The following NAV2 variants were observed in gnomAD, a reference collection of about 807,000 sequenced individuals.
The protein encoded by NAV2 is helicase, APC down-regulated 1.
NAV2 carries 54 observed loss-of-function variants against 223.2 expected under a neutral mutation model. The observed-to-expected ratio is 0.24, with a 90% CI of 0.19 to 0.30. The LOEUF (loss-of-function observed/expected upper bound fraction) is 0.30. Ranked by LOEUF, NAV2 falls within the 10% of genes least tolerant of loss-of-function variation. NAV2 has a pLI of 1.00. For missense variants in NAV2, 2,806 were observed against 3,147.5 expected, an observed-to-expected ratio of 0.89 and a Z score of 2.60; for synonymous variants, 1,279 against 1,239.3, an observed-to-expected ratio of 1.03 and a Z score of -0.67.
At position 19,397,418 on chromosome 11, in the gene NAV2, T is replaced by TGTGCGTGTGTGTGTGTGTGTGC. The variant is rs57566081; in HGVS notation, c.75+46392_75+46393insTGCGTGTGTGTGTGTGTGTGCG. ...GGGAGTGTGTGTGTGTGTGTGTGTG[T>TGTGCGTGTGTGTGTGTGTGTGC]GCGCGCATGTGTGTGTAGGGAATAC... On this transcript the variant is annotated intron_variant, in intron 1 of 37. Coordinates refer to the NAV2 transcript ENST00000360655. 3.0e-3 allele frequency among the ~76,000 whole-genome samples: 432 copies of TGTGCGTGTGTGTGTGTGTGTGC among 145,346 alleles called. 5 individuals carry two copies. The highest frequency in any genetic ancestry group is 5.6e-3 in the Admixed American group (81 of 14,534).
chr11:19,594,494 GGCTGCT>G (rs1386883363), intron 1 of NAV2, among the ~76,000 whole-genome samples: 1 of 151,704 alleles, frequency 6.6e-6, no homozygotes, highest in Admixed American at 6.6e-5. Flanking sequence ...CATAGAAGCA[GGCTGCT>G]GCTGCTGCTG....
At position 20,092,272 on chromosome 11, in the gene NAV2, A is replaced by C; in HGVS notation, c.5719A>C (p.Ser1907Arg). The C allele has an allele frequency of 6.2e-7, 1 of 1,614,192 alleles. No individual in the cohort carries two copies. Among genetic ancestry groups the C allele is most frequent in the Non-Finnish European group, 8.5e-7 (1 of 1,180,008 alleles). Residue 1907 changes from serine to arginine, a missense_variant, in exon 28 of 38, where the codon AGC (serine) becomes CGC (arginine). Physicochemically the swap from Ser to Arg is moderately radical, Grantham distance 110. Coordinates refer to ENST00000349880, the MANE Select transcript of NAV2 (RefSeq NM_145117.5). ...LKSESQGSGC[S>R]RAPSQVSISA... ...GTCAGAGTCTCAAGGCAGTGGCTGC[A>C]GCCGGGCTCCTTCCCAAGTGTCCAT...
intron 11 of NAV2, among the ~76,000 whole-genome samples, chr11:20,000,290 A>G (rs1323028666): frequency 3.9e-5 from 6 of 152,230 alleles, no homozygotes; most frequent in African/African-American, 1.2e-4. Context: ...GAAACAGAAC[A>G]TGAAAGGGTT....
chr11:20,037,671 A>C (rs2056520938), intron 12 of NAV2, among the ~76,000 whole-genome samples: 1 of 152,216 alleles, frequency 6.6e-6, no homozygotes, highest in South Asian at 2.1e-4. Flanking sequence ...TCTAAAATGT[A>C]TTCAAGCTAT....
intron 19 of NAV2, among the ~76,000 whole-genome samples, chr11:20,057,093 C>A (rs549106035): frequency 6.6e-6 from 1 of 152,196 alleles, no homozygotes; most frequent in Non-Finnish European, 1.5e-5. Context: ...CCTTTGTTGC[C>A]ATTGAAAAAG....
chr11:19,545,627 G>A (rs752286134), intron 1 of NAV2, among the ~76,000 whole-genome samples: 11 of 152,026 alleles, frequency 7.2e-5, no homozygotes, highest in Non-Finnish European at 1.5e-4. Flanking sequence ...CTAAACACTT[G>A]GTGAAATAGT....
At chr11:19,552,995 T>C (rs2044738856) in intron 1 of NAV2, among the ~76,000 whole-genome samples, 1 of 152,148 alleles carries the variant, frequency 6.6e-6, no homozygotes, top group Non-Finnish European at 1.5e-5. Context: ...TCCTCTGCAA[T>C]TGCGGAGTGA....
At chr11:19,425,981 A>G (rs1312153850) in intron 1 of NAV2, among the ~76,000 whole-genome samples, 1 of 152,146 alleles carries the variant, frequency 6.6e-6, no homozygotes, top group South Asian at 2.1e-4. Context: ...AGGGAAGTAG[A>G]TGGTATTTGA....
chr11:19,988,985 G>A (rs1307087293), intron 11 of NAV2, among the ~76,000 whole-genome samples: 2 of 152,178 alleles, frequency 1.3e-5, no homozygotes, highest in African/African-American at 4.8e-5. Flanking sequence ...CAGGTGGTAG[G>A]TCCCCAACAA....
At chr11:19,500,850 T>C (rs906039228) in intron 1 of NAV2, among the ~76,000 whole-genome samples, 1 of 152,218 alleles carries the variant, frequency 6.6e-6, no homozygotes, top group Non-Finnish European at 1.5e-5. Context: ...ATACAAAGTA[T>C]ACTAATTTTC....
intron 12 of NAV2, 191 bp from the exon 13 acceptor site, chr11:20,043,790 T>C (rs185922626): frequency 2.8e-5 from 16 of 572,048 alleles, no homozygotes; most frequent in Admixed American, 6.1e-5. Flanking sequence ...TTTACTTTTT[T>C]ATTTTTTTTT....
intron 12 of NAV2, among the ~76,000 whole-genome samples, chr11:20,037,463 G>A (rs2056502325): frequency 6.6e-6 from 1 of 151,112 alleles, no homozygotes; most frequent in Non-Finnish European, 1.5e-5. Context: ...ATTAGGTGTT[G>A]CCCCTGGGAT....
At chr11:20,101,779 C>G (rs2061660564) in intron 32 of NAV2, among the ~76,000 whole-genome samples, 1 of 152,174 alleles carries the variant, frequency 6.6e-6, no homozygotes, top group Non-Finnish European at 1.5e-5. Context: ...CGGTGAGCAA[C>G]GGAAACCTGT....
intron 1 of NAV2, among the ~76,000 whole-genome samples, chr11:19,533,967 A>G (rs1379453364): frequency 7.6e-6 from 1 of 132,096 alleles, no homozygotes; most frequent in East Asian, 1.9e-4. Context: ...CGGCCTCCCA[A>G]AGTGCTGGGA....
At chr11:19,723,620 G>T (rs537571698) in intron 1 of NAV2, among the ~76,000 whole-genome samples, 1 of 152,276 alleles carries the variant, frequency 6.6e-6, no homozygotes, top group Non-Finnish European at 1.5e-5. Context: ...CCAGCTTGTT[G>T]CCAGAGGCTC....
intron 1 of NAV2, among the ~76,000 whole-genome samples, chr11:19,658,623 A>C (rs1409415819): frequency 6.6e-6 from 1 of 152,180 alleles, no homozygotes; most frequent in African/African-American, 2.4e-5. Context: ...ACTGAGGGTA[A>C]GATTGGCTCT....
chr11:19,834,781 T>G (rs1353941492), intron 2 of NAV2, among the ~76,000 whole-genome samples: 1 of 152,248 alleles, frequency 6.6e-6, no homozygotes, highest in Admixed American at 6.5e-5. Flanking sequence ...TCATTCCAGC[T>G]CCATCCCTCC....
At chr11:19,770,085 T>G (rs761656021) in intron 1 of NAV2, among the ~76,000 whole-genome samples, 19 of 151,414 alleles carry the variant, frequency 1.3e-4, no homozygotes, top group Non-Finnish European at 2.1e-4. Context: ...TGCAACCCAG[T>G]GAGAGTTTGA....
chr11:20,060,170 A>G (rs952179046), intron 19 of NAV2, among the ~76,000 whole-genome samples: 8 of 152,276 alleles, frequency 5.3e-5, no homozygotes, highest in Admixed American at 5.2e-4. Context: ...TATGAGATGT[A>G]GAAATAGAAA....
Sources: allele counts gnomAD v4.1 joint callset (sites outside exome capture counted in the v4.1 genomes callset), GRCh38; gene constraint gnomAD v4.1.1; transcripts MANE v1.5; gene names NCBI Gene and HGNC (gene_info 2026-07-23, HGNC 2026-07-21).